Variants in PTPRJ observed in about 807,000 individuals in gnomAD.
The protein encoded by PTPRJ is protein tyrosine phosphatase receptor type J, also known as receptor-type tyrosine-protein phosphatase eta.
A neutral mutation model predicts 141.3 loss-of-function variants in PTPRJ; 129 were observed. The ratio of observed to expected loss-of-function variants is 0.91; its 90% CI spans 0.79 to 1.06. The LOEUF is 1.06. Among genes scored for constraint, PTPRJ ranks in the 50% least tolerant of loss-of-function variants. The pLI, the probability that PTPRJ is intolerant of heterozygous loss-of-function variation, is 0.00. For synonymous variants in PTPRJ, 610 were observed against 640.5 expected (o/e 0.95, Z 0.72); for missense variants, 1,601 against 1,679.7 (o/e 0.95, Z 0.82).
chr11:48,074,337 A>G (rs1407215477), intron 1 of PTPRJ, among the ~76,000 whole-genome samples: 2 of 152,228 alleles, frequency 1.3e-5, no homozygotes, highest in African/African-American at 4.8e-5. Context: ...GACATGTTGG[A>G]ACCTCGGATT....
intron 1 of PTPRJ, among the ~76,000 whole-genome samples, chr11:48,105,923 G>A (rs11822306): frequency 0.01 from 1,534 of 152,162 alleles, 23 homozygotes; most frequent in African/African-American, 0.034. Context: ...GCCCTTCCTC[G>A]CTGCTGCTAC....
chr11:48,106,068 G>A lies in PTPRJ; in HGVS notation c.97-3990G>A, dbSNP rs76226314. On this transcript the variant is annotated intron_variant, in intron 1 of 24. Coordinates refer to ENST00000418331, the MANE Select transcript of PTPRJ (RefSeq NM_002843.4). Reference sequence around the variant, plus strand: ...TCCAGCTAGGATATTGGCTAATACCGCATGTTTCAGAAAGAAAAATTCGCA... The same window carrying A: ...TCCAGCTAGGATATTGGCTAATACCACATGTTTCAGAAAGAAAAATTCGCA... 9.4e-3 allele frequency among the ~76,000 whole-genome samples: 1,430 copies of A among 152,208 alleles called. 19 individuals carry two copies. Among genetic ancestry groups the A allele is most frequent in the African/African-American group, 0.033 (1,356 of 41,516 alleles).
At chr11:48,066,044 G>T (rs1421965670) in intron 1 of PTPRJ, among the ~76,000 whole-genome samples, 1 of 152,198 alleles carries the variant, frequency 6.6e-6, no homozygotes, top group Admixed American at 6.5e-5. Flanking sequence ...CTACTTAGGA[G>T]GCTGGGGAAG....
At chr11:48,034,862 A>G (rs865917411) in intron 1 of PTPRJ, among the ~76,000 whole-genome samples, 5 of 152,212 alleles carry the variant, frequency 3.3e-5, no homozygotes, top group Non-Finnish European at 2.9e-5. Context: ...TGTGCTTTAT[A>G]TGCTGTGCAC....
chr11:48,117,872 A>G (rs919414652), intron 3 of PTPRJ, among the ~76,000 whole-genome samples: 2 of 152,204 alleles, frequency 1.3e-5, no homozygotes, highest in African/African-American at 4.8e-5. Flanking sequence ...AGAAAATCAG[A>G]AATGAGACAT....
intron 3 of PTPRJ, among the ~76,000 whole-genome samples, chr11:48,117,913 A>G (rs1856610035): frequency 6.6e-6 from 1 of 152,220 alleles, no homozygotes. Context: ...ATACAAAGGA[A>G]CAATTATGAA....
At chr11:48,149,857 A>G in intron 16 of PTPRJ, 133 bp from the exon 17 acceptor site, 1 of 655,296 alleles carries the variant, frequency 1.5e-6, no homozygotes, top group Admixed American at 3.2e-5. Context: ...TTTGTGAATA[A>G]TAGTACTCTG....
intron 1 of PTPRJ, among the ~76,000 whole-genome samples, chr11:48,042,241 T>G (rs1208587102): frequency 2.0e-5 from 3 of 152,258 alleles, no homozygotes; most frequent in Admixed American, 2.0e-4. Context: ...GTCATATGAA[T>G]TTTATTTGCC....
intron 9 of PTPRJ, 80 bp downstream of exon 9, chr11:48,136,376 G>A (rs1857104128): frequency 6.6e-7 from 1 of 1,514,498 alleles, no homozygotes. Context: ...ATGATGGCCA[G>A]TGTGCTTCTG....
intron 23 of PTPRJ, 52 bp from the exon 24 acceptor site, chr11:48,164,328 G>T: frequency 6.3e-7 from 1 of 1,598,250 alleles, no homozygotes; most frequent in Non-Finnish European, 8.5e-7. Context: ...ACTCTAAGAG[G>T]GTTGCAGTCG....
chr11:48,030,329 G>A (rs1853946379), intron 1 of PTPRJ, among the ~76,000 whole-genome samples: 1 of 152,210 alleles, frequency 6.6e-6, no homozygotes, highest in Non-Finnish European at 1.5e-5. Context: ...AAATTAGTTA[G>A]AGGTAGTAGT....
In PTPRJ at chr11:48,101,340, T is replaced by C. The variant is rs189178008; in HGVS notation, c.97-8718T>C. On this transcript the variant is annotated intron_variant, in intron 1 of 24. Coordinates refer to ENST00000418331, the MANE Select transcript of PTPRJ (RefSeq NM_002843.4). ...GTCTCTGTCCTCCTCACCTCTGTAG[T>C]GTGGTGGGACTCGGTGGGGTGGTCG... is the stretch of plus-strand genomic sequence containing the variant. 2.6e-5 allele frequency among the ~76,000 whole-genome samples: 4 copies of C among 152,272 alleles called. No individual in the cohort carries two copies. The East Asian group carries it at 7.7e-4, about 29-fold the overall frequency.
At chr11:48,048,283 C>G (rs1854461961) in intron 1 of PTPRJ, among the ~76,000 whole-genome samples, 1 of 152,050 alleles carries the variant, frequency 6.6e-6, no homozygotes, top group African/African-American at 2.4e-5. Context: ...TTGTTGATAC[C>G]CCTTCTCACA....
chr11:48,137,364 G>T, intron 10 of PTPRJ, 83 bp downstream of exon 10: 11 of 1,471,882 alleles, frequency 7.5e-6, no homozygotes, highest in Non-Finnish European at 1.0e-5. Flanking sequence ...TCTGTAGTTT[G>T]TCTGGTTTTG....
intron 1 of PTPRJ, among the ~76,000 whole-genome samples, chr11:48,012,536 C>T (rs1854828975): frequency 6.6e-6 from 1 of 152,100 alleles, no homozygotes; most frequent in African/African-American, 2.4e-5. Context: ...GTCTTTTACA[C>T]AGCAAGTGTA....
intron 1 of PTPRJ, among the ~76,000 whole-genome samples, chr11:47,989,291 A>T (rs1590384795): frequency 7.0e-6 from 1 of 142,882 alleles, no homozygotes. Context: ...TTTGAGACAG[A>T]GTTTTGCTCT....
intron 1 of PTPRJ, among the ~76,000 whole-genome samples, chr11:47,990,221 T>G (rs1343697179): frequency 2.6e-5 from 4 of 151,982 alleles, no homozygotes; most frequent in Non-Finnish European, 5.9e-5. Flanking sequence ...CGGTAAATAC[T>G]CTCCAAGATA....
chr11:48,052,947 G>A (rs1481283556), intron 1 of PTPRJ, among the ~76,000 whole-genome samples: 1 of 150,910 alleles, frequency 6.6e-6, no homozygotes. Flanking sequence ...AGCATGCTGA[G>A]GACCCTGGTG....
At chr11:48,025,750 G>A (rs1853789532) in intron 1 of PTPRJ, among the ~76,000 whole-genome samples, 1 of 152,132 alleles carries the variant, frequency 6.6e-6, no homozygotes, top group Non-Finnish European at 1.5e-5. Flanking sequence ...TTCCTTACAA[G>A]TGCCCTTTAG....
Sources: allele counts gnomAD v4.1 joint callset (sites outside exome capture counted in the v4.1 genomes callset), GRCh38; gene constraint gnomAD v4.1.1; transcripts MANE v1.5; gene names NCBI Gene and HGNC (gene_info 2026-07-23, HGNC 2026-07-21).